TF: variants seen among roughly 807,000 people sequenced by gnomAD.
TF encodes transferrin.
TF carries 55 observed loss-of-function variants against 82.4 expected under a neutral mutation model. That is an observed-to-expected ratio of 0.67 (90% confidence interval 0.54 to 0.84). The LOEUF is 0.84. TF is among the 40% of genes least tolerant of loss of function. The probability of loss-of-function intolerance (pLI) is 0.00; values close to 1 mark genes in which losing one functional copy is unlikely to be tolerated. For missense variants in TF, 737 were observed against 868.4 expected (o/e 0.85, Z 1.90); for synonymous variants, 332 against 332.6 (o/e 1.00, Z 0.02).
At chr3:133,741,655 T>A (rs1933393282), upstream of TF, among the ~76,000 whole-genome samples, 1 of 152,250 alleles carries the variant, frequency 6.6e-6, no homozygotes, top group South Asian at 2.1e-4. Flanking sequence ...TATGAAATGA[T>A]GTTCCCATAC....
chr3:133,745,699 T>C (rs1056869109), upstream of TF, among the ~76,000 whole-genome samples: 1 of 152,210 alleles, frequency 6.6e-6, no homozygotes, highest in African/African-American at 2.4e-5. Context: ...TCCTGGAACC[T>C]TCTTGTTGGA....
chr3:133,675,528 G>A, the TF span, among the ~76,000 whole-genome samples: 1 of 152,196 alleles, frequency 6.6e-6, no homozygotes, highest in Non-Finnish European at 1.5e-5. Context: ...GAGAAGATTG[G>A]AGGTTTCATA....
At position 133,793,259 on chromosome 3, in the gene TF, A is replaced by G. The variant is rs1436424971; in HGVS notation, c.*14639A>G. On this transcript the variant is annotated 3_prime_UTR_variant, in exon 17 of 17. Coordinates refer to ENST00000402696, the MANE Select transcript of TF (RefSeq NM_001063.4). Reference sequence around the variant, plus strand: ...TGGAAAGGTTTTTGCCTTTTAAAACATTTTTGAGTCATCATTTTGCTAAAT... The same window carrying G: ...TGGAAAGGTTTTTGCCTTTTAAAACGTTTTTGAGTCATCATTTTGCTAAAT... The G allele has an allele frequency of 6.6e-6, 1 of 152,168 alleles. No homozygotes were observed. The highest frequency in any genetic ancestry group is 1.5e-5 in the Non-Finnish European group (1 of 67,994). The allele number at this position is 152,168 out of a possible 1,614,324, so 9.4% of individuals were successfully genotyped here. A position where few individuals can be genotyped will look rare whatever the true frequency, so the allele number is the denominator to read the frequency against.
At position 133,746,449 on chromosome 3, in the gene TF, C is replaced by T. The variant is rs746387440; in HGVS notation, c.9C>T (p.Leu3=). The T allele has an allele frequency of 3.3e-5, 53 of 1,600,664 alleles. No individual in the cohort carries two copies. Among genetic ancestry groups the T allele is most frequent in the Admixed American group, 2.9e-4 (17 of 59,300 alleles). Residue 3 remains leucine (L), a synonymous_variant, in exon 1 of 17, where the codon CTC becomes CTT. Transcript: ENST00000402696. ...AGCGCCGCACCCGGAAGATGAGGCTCGCCGTGGGAGCCCTGCTGGTCTGCG... is the reference window on the plus strand; with the variant it reads ...AGCGCCGCACCCGGAAGATGAGGCTTGCCGTGGGAGCCCTGCTGGTCTGCG... MR[L]AVGALLVCAV... is the part of the protein sequence containing the mutation.
rs1934680597 is a variant in TF, at chr3:133,786,232, A to AAAAC, written c.*7615_*7616insCAAA. 3.9e-5 allele frequency: 3 copies of AAAAC among 77,140 alleles called. No homozygotes were observed. Among genetic ancestry groups the AAAAC allele is most frequent in the East Asian group, 6.8e-4 (1 of 1,480 alleles). 4.8% of individuals were successfully genotyped at this position (77,140 alleles called of 1,614,324 possible). ...AATAAAAAAATAAATTAAAAAAAAAAAAAAAAAACAATACTATTTTTTGAA... is the reference window on the plus strand; with the variant it reads ...AATAAAAAAATAAATTAAAAAAAAAAAAACAAAAAAAACAATACTATTTTTTGAA... On this transcript the variant is annotated 3_prime_UTR_variant, in exon 17 of 17. Coordinates refer to ENST00000402696, the MANE Select transcript of TF (RefSeq NM_001063.4).
In TF at chr3:133,790,440, T is replaced by A. The variant is rs542147068; in HGVS notation, c.*11820T>A. 6.6e-6 allele frequency: 1 copy of A among 152,322 alleles called. No individual in the cohort carries two copies. Among genetic ancestry groups the A allele is most frequent in the African/African-American group, 2.4e-5 (1 of 41,574 alleles). The allele number at this position is 152,322 out of a possible 1,614,324, so 9.4% of individuals were successfully genotyped here. On this transcript the variant is annotated 3_prime_UTR_variant, in exon 17 of 17. Coordinates refer to ENST00000402696, the MANE Select transcript of TF (RefSeq NM_001063.4). ...GAATAATTTAGAAGTTATCTAAAAG[T>A]TAGTTCAAATTACAGATTTGAAAAG...
rs1410674396 is a variant in TF, at chr3:133,782,199, T to C, written c.*3579T>C. 3 of 152,166 alleles carry C rather than the reference T, an allele frequency of 2.0e-5. No homozygotes were observed. Among genetic ancestry groups the C allele is most frequent in the African/African-American group, 7.2e-5 (3 of 41,432 alleles). 9.4% of individuals were successfully genotyped at this position (152,166 alleles called of 1,614,324 possible). A position where few individuals can be genotyped will look rare whatever the true frequency, so the allele number is the denominator to read the frequency against. On this transcript the variant is annotated 3_prime_UTR_variant, in exon 17 of 17. Transcript: ENST00000402696. ...ACAGAAAACCTTTGTGCATTGTTGG[T>C]GAGAATGTACAGCCATTGTGGAAAA...
the TF span, among the ~76,000 whole-genome samples, chr3:133,726,922 A>G: frequency 1.3e-5 from 2 of 152,194 alleles, no homozygotes; most frequent in East Asian, 3.9e-4. Flanking sequence ...TGTACCCAGT[A>G]GTCATTCAGG....
upstream of TF, among the ~76,000 whole-genome samples, chr3:133,745,323 T>C (rs1210775253): frequency 6.6e-6 from 1 of 152,228 alleles, no homozygotes; most frequent in Non-Finnish European, 1.5e-5. Flanking sequence ...GGATTTACAC[T>C]TCGTGGAAGG....
chr3:133,770,598 C>T, intron 14 of TF, 26 bp downstream of exon 14: 1 of 1,612,636 alleles, frequency 6.2e-7, no homozygotes, highest in East Asian at 2.2e-5. Context: ...CCTCTGTCCC[C>T]CTAGATCACT....
the TF span, among the ~76,000 whole-genome samples, chr3:133,690,509 C>T: frequency 3.3e-5 from 5 of 152,180 alleles, no homozygotes; most frequent in African/African-American, 4.8e-5. Flanking sequence ...ATAAATCATA[C>T]ATTTCTATAT....
At chr3:133,766,702 A>G (rs1934136408) in intron 12 of TF, among the ~76,000 whole-genome samples, 1 of 152,202 alleles carries the variant, frequency 6.6e-6, no homozygotes, top group Admixed American at 6.5e-5. Flanking sequence ...GAAAGACCAG[A>G]GGTGAGCAGT....
chr3:133,696,997 C>G, the TF span, among the ~76,000 whole-genome samples: 1 of 152,120 alleles, frequency 6.6e-6, no homozygotes, highest in Non-Finnish European at 1.5e-5. Context: ...TTTATAATGT[C>G]TGCTACTTGA....
chr3:133,676,337 C>T, the TF span, among the ~76,000 whole-genome samples: 5 of 152,100 alleles, frequency 3.3e-5, no homozygotes, highest in Admixed American at 6.6e-5. Context: ...TGAGTTACAC[C>T]GGTAAAAATC....
the TF span, among the ~76,000 whole-genome samples, chr3:133,713,086 T>A: frequency 6.6e-6 from 1 of 152,222 alleles, no homozygotes; most frequent in South Asian, 2.1e-4. Flanking sequence ...TTTGCCACTT[T>A]CTTCTGTGTG....
At chr3:133,709,231 G>T in the TF span, among the ~76,000 whole-genome samples, 1 of 152,152 alleles carries the variant, frequency 6.6e-6, no homozygotes, top group Non-Finnish European at 1.5e-5. Flanking sequence ...GGAAGGCAAA[G>T]ACCTCTATGT....
chr3:133,732,643 C>T, the TF span, among the ~76,000 whole-genome samples: 3 of 152,210 alleles, frequency 2.0e-5, no homozygotes, highest in East Asian at 3.8e-4. Context: ...AGGTCTGCAG[C>T]TTCATTTCTG....
rs1934491956 is a variant in TF at position 133,780,421 on chromosome 3, A to T, written c.*1801A>T. ...GCTAAAACAAAAATATTCAACATCC[A>T]TTCTTAATTATTAAATTAGTTACTA... On this transcript the variant is annotated 3_prime_UTR_variant, in exon 17 of 17. Transcript: ENST00000402696. 1 of 152,170 alleles carries T rather than the reference A, an allele frequency of 6.6e-6. No individual in the cohort carries two copies. Among genetic ancestry groups the T allele is most frequent in the Non-Finnish European group, 1.5e-5 (1 of 68,022 alleles). The allele number at this position is 152,170 out of a possible 1,614,324, so 9.4% of individuals were successfully genotyped here.
chr3:133,709,783 A>G, the TF span: 1 of 152,572 alleles, frequency 6.6e-6, no homozygotes, highest in African/African-American at 2.4e-5. Context: ...GGTGAGCTTA[A>G]GAGCTTGACA....
Sources: gnomAD v4.1 joint callset for allele counts (sites outside exome capture counted in the v4.1 genomes callset) on GRCh38, gnomAD v4.1.1 for gene constraint, MANE v1.5 for transcripts, NCBI Gene and HGNC (gene_info 2026-07-23, HGNC 2026-07-21) for gene names.